The following ZFP92 variants were observed in gnomAD, a reference collection of about 807,000 sequenced individuals.
ZFP92 encodes zinc finger protein 92 homolog.
A neutral mutation model predicts 7.6 loss-of-function variants in ZFP92; 2 were observed. The ratio of observed to expected loss-of-function variants is 0.26; its 90% CI spans 0.11 to 0.83. The LOEUF is 0.83. ZFP92 is among the 40% of genes least tolerant of loss of function. The pLI, the probability that ZFP92 is intolerant of heterozygous loss-of-function variation, is 0.65. For synonymous variants in ZFP92, 226 were observed against 183.6 expected (o/e 1.23, Z -1.87); for missense variants, 324 against 408.3 (o/e 0.79, Z 1.78).
intron 3 of ZFP92, 44 bp from the exon 4 acceptor site, chrX:153,418,629 A>G (rs1400572968): frequency 3.5e-6 from 4 of 1,145,886 alleles, no homozygotes; most frequent in Non-Finnish European, 3.5e-6. Flanking sequence ...CCAGGGGCCC[A>G]GGGGGTTGAA....
chrX:153,421,267 G>A lies in ZFP92; in HGVS notation c.890G>A (p.Cys297Tyr). Residue 297 changes from cysteine (C) to tyrosine (Y), a missense_variant, in exon 6 of 6, where the codon TGC (cysteine) becomes TAC (tyrosine). By Grantham distance (194) the Cys-to-Tyr change is radical. Transcript: ENST00000338647. ...GAGAAGCCCTACGCCTGCGGCCAGTGCGCCAAGGCCTTCAAGGGCGTCTCG... is the reference window on the plus strand; with the variant it reads ...GAGAAGCCCTACGCCTGCGGCCAGTACGCCAAGGCCTTCAAGGGCGTCTCG... ...RGEKPYACGQ[C>Y]AKAFKGVSQL... 1 of 1,173,762 alleles carries A rather than the reference G, an allele frequency of 8.5e-7. No homozygotes were observed. The highest frequency in any genetic ancestry group is 1.1e-6 in the Non-Finnish European group (1 of 877,337).
chrX:153,417,383 TCTCTGC>T (rs2088961392), intron 2 of ZFP92, among the ~76,000 whole-genome samples: 1 of 112,150 alleles, frequency 8.9e-6, no homozygotes, highest in East Asian at 2.8e-4. Context: ...AGCCTCCAGC[TCTCTGC>T]CTGAATGTCA....
chrX:153,418,489 C>A, intron 3 of ZFP92, 134 bp downstream of exon 3: 1 of 980,276 alleles, frequency 1.0e-6, no homozygotes, highest in Non-Finnish European at 1.4e-6. Flanking sequence ...GGCGCACAAT[C>A]TGGGCTTCCT....
chrX:153,417,269 G>A (rs1202695591), intron 2 of ZFP92, among the ~76,000 whole-genome samples: 1 of 112,358 alleles, frequency 8.9e-6, no homozygotes, highest in Non-Finnish European at 1.9e-5. Context: ...GTCATCCTCT[G>A]CGCCTGTTCC....
rs1385070204 is a variant in ZFP92, at chrX:153,420,627, T to C, written c.266-16T>C. 2.5e-5 allele frequency: 28 copies of C among 1,104,225 alleles called. No homozygotes were observed. The highest frequency in any genetic ancestry group is 3.2e-5 in the Non-Finnish European group (27 of 843,265). 91.0% of individuals were successfully genotyped at this position (1,104,225 alleles called of 1,213,427 possible). A position where few individuals can be genotyped will look rare whatever the true frequency, so the allele number is the denominator to read the frequency against. ...TTGGCATGAGGGTGACACTGCCTGG[T>C]GCTCTGTCTTTCCAGGTGACAGAAC... is the stretch of plus-strand genomic sequence containing the variant. On this transcript the variant is annotated splice_polypyrimidine_tract_variant and intron_variant, in intron 5 of 5. Transcript: ENST00000338647.
In ZFP92 at chrX:153,425,817, T is replaced by C. The variant is rs1352144345; in HGVS notation, c.*4189T>C. ...CAAAACGGGGGTCCTCCAGGAGTTC[T>C]GGACAGCTGCTCTGCAGATTCTTAT... On this transcript the variant is annotated 3_prime_UTR_variant, in exon 6 of 6. Transcript: ENST00000338647. 9.0e-6 allele frequency: 1 copy of C among 111,399 alleles called. No individual in the cohort carries two copies. The highest frequency in any genetic ancestry group is 1.9e-5 in the Non-Finnish European group (1 of 53,041). 9.2% of individuals were successfully genotyped at this position (111,399 alleles called of 1,213,427 possible).
chrX:153,412,921 G>T (rs2088920545), intron 2 of ZFP92, among the ~76,000 whole-genome samples: 1 of 112,136 alleles, frequency 8.9e-6, no homozygotes, highest in Non-Finnish European at 1.9e-5. Flanking sequence ...AGAGGGCAAG[G>T]CCTGCCCAGC....
chrX:153,416,107 C>A lies in ZFP92; in HGVS notation c.-18-2198C>A, dbSNP rs782306819. Among the ~76,000 whole-genome samples the A allele has an allele frequency of 6.3e-5, 7 of 111,481 alleles. No individual in the cohort carries two copies. In the South Asian group the frequency reaches 2.7e-3, roughly 43 times the overall value. On this transcript the variant is annotated intron_variant, in intron 2 of 5. Transcript: ENST00000338647. Reference sequence around the variant, plus strand: ...GGGACCCGTTGCTCTATGGAACAGCCCCTTTCTGGGTCAGGCAGGTTGCTT... The same window carrying A: ...GGGACCCGTTGCTCTATGGAACAGCACCTTTCTGGGTCAGGCAGGTTGCTT...
At position 153,424,781 on chromosome X, in the gene ZFP92, A is replaced by C; in HGVS notation, c.*3153A>C. 8.9e-6 allele frequency: 1 copy of C among 112,900 alleles called. No homozygotes were observed. Among genetic ancestry groups the C allele is most frequent in the Non-Finnish European group, 1.9e-5 (1 of 53,389 alleles). 9.3% of individuals were successfully genotyped at this position (112,900 alleles called of 1,213,427 possible). A position where few individuals can be genotyped will look rare whatever the true frequency, so the allele number is the denominator to read the frequency against. ...ATTCGTTGTGAAATGGAACTGTCCC[A>C]TTTACTTTGGTTGCAAATAAGGAAG... On this transcript the variant is annotated 3_prime_UTR_variant, in exon 6 of 6. Transcript: ENST00000338647.
chrX:153,413,881 G>A (rs1222777525), intron 2 of ZFP92, among the ~76,000 whole-genome samples: 1 of 112,397 alleles, frequency 8.9e-6, no homozygotes, highest in African/African-American at 3.2e-5. Context: ...TCTGGGTGAC[G>A]GCTTGGTGTG....
intron 2 of ZFP92, among the ~76,000 whole-genome samples, chrX:153,416,012 C>T: frequency 9.0e-6 from 1 of 111,242 alleles, no homozygotes; most frequent in Middle Eastern, 4.6e-3. Flanking sequence ...CCGTAAATCT[C>T]TTTTCATCTA....
Position 153,418,708 on chromosome X carries a change from C to T in ZFP92, c.69C>T (p.Phe23=). 1 of 1,167,979 alleles carries T rather than the reference C, an allele frequency of 8.6e-7. No homozygotes were observed. The highest frequency in any genetic ancestry group is 3.2e-5 in the East Asian group (1 of 30,783). Residue 23 remains phenylalanine, a synonymous_variant, in exon 4 of 6, where the codon TTC becomes TTT. Coordinates refer to ENST00000338647, the MANE Select transcript of ZFP92 (RefSeq NM_001136273.2). ...PVSFEDVSVY[F]TKTEWKLLDL... ...CTTTTGAGGATGTGTCCGTGTACTT[C>T]ACAAAGACAGAATGGAAGCTTCTGG...
intron 2 of ZFP92, among the ~76,000 whole-genome samples, chrX:153,413,132 C>T (rs1051555083): frequency 1.8e-5 from 2 of 110,978 alleles, no homozygotes; most frequent in African/African-American, 3.3e-5. Context: ...TCCCCCAGGA[C>T]GGAAGAAACC....
intron 2 of ZFP92, among the ~76,000 whole-genome samples, 101 bp downstream of exon 2, chrX:153,412,114 G>C (rs1473466726): frequency 8.8e-6 from 1 of 113,016 alleles, no homozygotes; most frequent in Non-Finnish European, 1.9e-5. Context: ...AGGGTCTCCA[G>C]ATCGGGGCAG....
At chrX:153,420,071 G>A (rs782639156) in intron 4 of ZFP92, among the ~76,000 whole-genome samples, 157 bp from the exon 5 acceptor site, 26 of 112,627 alleles carry the variant, frequency 2.3e-4, no homozygotes, top group African/African-American at 6.8e-4. Context: ...CCTTGCCCTC[G>A]TAGAGGGACT....
intron 4 of ZFP92, among the ~76,000 whole-genome samples, chrX:153,419,494 G>A (rs1057332800): frequency 8.9e-6 from 1 of 112,858 alleles, no homozygotes; most frequent in South Asian, 3.6e-4. Context: ...TCACGCAGCT[G>A]ATGAGAGATG....
Position 153,422,857 on chromosome X carries a change from G to GTGAA in ZFP92, c.*1230_*1231insGAAT, listed in dbSNP as rs1556975644. 34 of 112,312 alleles carry GTGAA rather than the reference G, an allele frequency of 3.0e-4. No homozygotes were observed. The highest frequency in any genetic ancestry group is 1.1e-3 in the African/African-American group (34 of 30,911). The allele number at this position is 112,312 out of a possible 1,213,427, so 9.3% of individuals were successfully genotyped here. On this transcript the variant is annotated 3_prime_UTR_variant, in exon 6 of 6. Transcript: ENST00000338647. ...TCAGGGATTCACTCCCTAAATAAGA[G>GTGAA]TCCCCCCAGCCCTCTGAGAAGACCT...
In ZFP92 at chrX:153,421,782, C is replaced by T. The variant is rs1224228927; in HGVS notation, c.*154C>T. The stretch of plus-strand genomic sequence containing the variant: ...TCTTTGGCCATCAGAAGACCCCAGG[C>T]AGAGCCTCACCCTGAGGCTGAGAAA... On this transcript the variant is annotated 3_prime_UTR_variant, in exon 6 of 6. Coordinates refer to ENST00000338647, the MANE Select transcript of ZFP92 (RefSeq NM_001136273.2). 4 of 683,678 alleles carry T rather than the reference C, an allele frequency of 5.9e-6. No individual in the cohort carries two copies. Among genetic ancestry groups the T allele is most frequent in the Non-Finnish European group, 7.4e-6 (4 of 539,486 alleles). The allele number at this position is 683,678 out of a possible 1,213,427, so 56.3% of individuals were successfully genotyped here.
intron 2 of ZFP92, among the ~76,000 whole-genome samples, chrX:153,415,488 A>C (rs1602890512): frequency 9.0e-6 from 1 of 111,723 alleles, no homozygotes; most frequent in African/African-American, 3.3e-5. Context: ...GTGTTGGTCC[A>C]TCCATCCATC....
Sources: gnomAD v4.1 joint callset for allele counts (sites outside exome capture counted in the v4.1 genomes callset) on GRCh38, gnomAD v4.1.1 for gene constraint, MANE v1.5 for transcripts, NCBI Gene and HGNC (gene_info 2026-07-23, HGNC 2026-07-21) for gene names.